GTPBP3: variants seen among roughly 807,000 people sequenced by gnomAD.
GTPBP3 encodes the protein GTP binding protein 3, mitochondrial.
A neutral mutation model predicts 42.0 loss-of-function variants in GTPBP3; 35 were observed. The observed-to-expected ratio is 0.83, with a 90% CI of 0.64 to 1.10. The LOEUF (loss-of-function observed/expected upper bound fraction) is 1.10, where lower values mean the gene tolerates loss of function less well. Among genes scored for constraint, GTPBP3 ranks in the 50% least tolerant of loss-of-function variants. The pLI, the probability that GTPBP3 is intolerant of heterozygous loss-of-function variation, is 0.00. For synonymous variants in GTPBP3, 332 were observed against 314.9 expected (o/e 1.05, Z -0.58); for missense variants, 691 against 685.2 (o/e 1.01, Z -0.09).
chr19:17,340,994 CT>C, intron 7 of GTPBP3, 49 bp from the exon 8 acceptor site: 1 of 1,583,452 alleles, frequency 6.3e-7, no homozygotes, highest in Non-Finnish European at 8.6e-7. Context: ...CACCCAGTGC[CT>C]TCAATTGCTC....
Position 17,339,275 on chromosome 19 carries a change from G to T in GTPBP3, c.808+9G>T, listed in dbSNP as rs556247962. The T allele has an allele frequency of 1.3e-6, 2 of 1,595,088 alleles. No individual in the cohort carries two copies. Among genetic ancestry groups the T allele is most frequent in the East Asian group, 4.5e-5 (2 of 44,484 alleles). On this transcript the variant is annotated intron_variant, in intron 6 of 8. Transcript: ENST00000324894. ...CCTAGTGAACCTGCTCAGTGAGTAG[G>T]CGGCGGGAAGGGGGCGGGGCCTAGT...
rs773463932 is a variant in GTPBP3 at position 17,338,738 on chromosome 19, C to G, written c.588C>G (p.Thr196=). 2.0e-5 allele frequency: 32 copies of G among 1,604,840 alleles called. No homozygotes were observed. The highest frequency in any genetic ancestry group is 3.4e-5 in the Admixed American group (2 of 59,458). Reference sequence around the variant, plus strand: ...GCCGTGGCTGGGCCGAGACCCTCACCAAAGCAAGTCCCCCATTTGTCCATT... The same window carrying G: ...GCCGTGGCTGGGCCGAGACCCTCACGAAAGCAAGTCCCCCATTTGTCCATT... ...HLCRGWAETL[T]KALAHVEAYI... The change falls in exon 4 of 9, where the codon ACC becomes ACG. Residue 196 remains threonine (T), a synonymous_variant. Coordinates refer to ENST00000324894, the MANE Select transcript of GTPBP3 (RefSeq NM_032620.4).
At position 17,339,537 on chromosome 19, in the gene GTPBP3, G is replaced by C; in HGVS notation, c.912G>C (p.Thr304=). Reference sequence around the variant, plus strand: ...GATTTCCTGTGCTGCTGAGCGACACGGCTGGGTTGCGGGAGGGCGTGGGGC... The same window carrying C: ...GATTTCCTGTGCTGCTGAGCGACACCGCTGGGTTGCGGGAGGGCGTGGGGC... The part of the protein sequence containing the change: ...LAGFPVLLSD[T]AGLREGVGPV... Residue 304 remains threonine (T), a synonymous_variant, in exon 7 of 9, where the codon ACG becomes ACC. Coordinates refer to ENST00000324894, the MANE Select transcript of GTPBP3 (RefSeq NM_032620.4). 1 of 1,613,558 alleles carries C rather than the reference G, an allele frequency of 6.2e-7. No individual in the cohort carries two copies. The highest frequency in any genetic ancestry group is 1.1e-5 in the South Asian group (1 of 91,070).
chr19:17,337,937 G>C, intron 1 of GTPBP3, 71 bp from the exon 2 acceptor site: 1 of 1,543,592 alleles, frequency 6.5e-7, no homozygotes, highest in Non-Finnish European at 8.7e-7. Context: ...CGCGATCATC[G>C]AGCCCTCGGT....
At chr19:17,337,437 C>T, upstream of GTPBP3, 1 of 1,213,570 alleles carries the variant, frequency 8.2e-7, no homozygotes, top group African/African-American at 1.6e-5. Flanking sequence ...TCCCTTGCAC[C>T]AGCCAATGGA....
chr19:17,335,410 TA>T (rs1322671135), upstream of GTPBP3, among the ~76,000 whole-genome samples: 1 of 152,080 alleles, frequency 6.6e-6, no homozygotes, highest in Non-Finnish European at 1.5e-5. Context: ...GATAAAAGAA[TA>T]AATGTTAGCT....
intron 7 of GTPBP3, 100 bp downstream of exon 7, chr19:17,339,699 TG>T: frequency 8.7e-7 from 1 of 1,146,226 alleles, no homozygotes; most frequent in South Asian, 1.6e-5. Flanking sequence ...TCAGAGAACC[TG>T]CTAAGCCCTA....
chr19:17,339,634 G>A (rs1450447124), intron 7 of GTPBP3, 35 bp downstream of exon 7: 20 of 1,553,728 alleles, frequency 1.3e-5, no homozygotes, highest in Non-Finnish European at 1.6e-5. Context: ...AGGGGAACGC[G>A]GGGCCCTTTC....
rs776403820 is a variant in GTPBP3 at position 17,338,092 on chromosome 19, C to T, written c.138C>T (p.Cys46=). 26 of 1,596,990 alleles carry T rather than the reference C, an allele frequency of 1.6e-5. No individual in the cohort carries two copies. The highest frequency in any genetic ancestry group is 3.4e-6 in the Non-Finnish European group (4 of 1,179,104). Residue 46 remains cysteine (C), a synonymous_variant, in exon 2 of 9, where the codon TGC becomes TGT. Transcript: ENST00000324894. ...IFALSSGQGR[C]GIAVIRTSGP... Reference sequence around the variant, plus strand: ...CGCTAAGCTCTGGCCAAGGCCGCTGCGGCATCGCAGTGATCCGGACCAGCG... The same window carrying T: ...CGCTAAGCTCTGGCCAAGGCCGCTGTGGCATCGCAGTGATCCGGACCAGCG...
chr19:17,337,753 C>A (rs1238022829), intron 1 of GTPBP3, 89 bp downstream of exon 1: 1 of 1,373,104 alleles, frequency 7.3e-7, no homozygotes, highest in Non-Finnish European at 9.6e-7. Flanking sequence ...CAATTCCCTG[C>A]GGCAGAGCAA....
rs1396800555 is a variant in GTPBP3, at chr19:17,342,251, G to C, written c.*548G>C. 2 of 151,106 alleles carry C rather than the reference G, an allele frequency of 1.3e-5. No individual in the cohort carries two copies. The highest frequency in any genetic ancestry group is 2.9e-5 in the Non-Finnish European group (2 of 67,834). The allele number at this position is 151,106 out of a possible 1,614,324, so 9.4% of individuals were successfully genotyped here. A position where few individuals can be genotyped will look rare whatever the true frequency, so the allele number is the denominator to read the frequency against. ...CCTGAGTAGCTGGGATTACAGGCAT[G>C]TGCCAGCATGCCCGGCTAATTTTTT... On this transcript the variant is annotated 3_prime_UTR_variant, in exon 9 of 9. Transcript: ENST00000324894.
At chr19:17,337,394 C>T, upstream of GTPBP3, 1 of 961,792 alleles carries the variant, frequency 1.0e-6, no homozygotes, top group Non-Finnish European at 1.3e-6. Context: ...CATTTCGCTA[C>T]ACCTACCTCC....
chr19:17,337,653 T>A lies in GTPBP3; in HGVS notation c.42T>A (p.Arg14=). Residue 14 remains arginine (R), a synonymous_variant, in exon 1 of 9, where the codon CGT becomes CGA. Transcript: ENST00000324894. ...GGACCCTGGCGGCCCAAGCGGCACG[T>A]GGGCCTCGCAGGTGGGGCTACAGGG... The part of the protein sequence containing the change: ...GLWTLAAQAA[R]GPRRLCTRRS... 1 of 1,335,158 alleles carries A rather than the reference T, an allele frequency of 7.5e-7. No individual in the cohort carries two copies. Among genetic ancestry groups the A allele is most frequent in the Non-Finnish European group, 9.6e-7 (1 of 1,038,120 alleles). 82.7% of individuals were successfully genotyped at this position (1,335,158 alleles called of 1,614,324 possible). A position where few individuals can be genotyped will look rare whatever the true frequency, so the allele number is the denominator to read the frequency against.
Position 17,341,916 on chromosome 19 carries a change from C to T in GTPBP3, c.*213C>T, listed in dbSNP as rs1452522136. Reference sequence around the variant, plus strand: ...GGGGCTGAATGGAGGTCCCGTTCGACCCTTGATGCTGGGGCATCCGGGTTG... The same window carrying T: ...GGGGCTGAATGGAGGTCCCGTTCGATCCTTGATGCTGGGGCATCCGGGTTG... On this transcript the variant is annotated 3_prime_UTR_variant, in exon 9 of 9. Coordinates refer to ENST00000324894, the MANE Select transcript of GTPBP3 (RefSeq NM_032620.4). 19 of 449,250 alleles carry T rather than the reference C, an allele frequency of 4.2e-5. No individual in the cohort carries two copies. Among genetic ancestry groups the T allele is most frequent in the Non-Finnish European group, 1.9e-5 (5 of 256,952 alleles). The allele number at this position is 449,250 out of a possible 1,614,324, so 27.8% of individuals were successfully genotyped here.
At position 17,341,775 on chromosome 19, in the gene GTPBP3, G is replaced by C; in HGVS notation, c.*72G>C. Reference sequence around the variant, plus strand: ...CTCGGGGGATCTGGAAACAGTTTAGGCCAATTGGGATTCTCATTCGCCTGG... The same window carrying C: ...CTCGGGGGATCTGGAAACAGTTTAGCCCAATTGGGATTCTCATTCGCCTGG... On this transcript the variant is annotated 3_prime_UTR_variant, in exon 9 of 9. Coordinates refer to ENST00000324894, the MANE Select transcript of GTPBP3 (RefSeq NM_032620.4). 1 of 1,313,458 alleles carries C rather than the reference G, an allele frequency of 7.6e-7. No homozygotes were observed. Among genetic ancestry groups the C allele is most frequent in the South Asian group, 1.4e-5 (1 of 69,440 alleles). The allele number at this position is 1,313,458 out of a possible 1,614,324, so 81.4% of individuals were successfully genotyped here.
At chr19:17,340,444 C>G (rs1460393991) in intron 7 of GTPBP3, among the ~76,000 whole-genome samples, 1 of 151,930 alleles carries the variant, frequency 6.6e-6, no homozygotes, top group Non-Finnish European at 1.5e-5. Flanking sequence ...CGTGCTCTGT[C>G]CCGCCCTGGC....
intron 1 of GTPBP3, 46 bp from the exon 2 acceptor site, chr19:17,337,962 G>A: frequency 1.3e-6 from 2 of 1,588,134 alleles, no homozygotes; most frequent in South Asian, 2.2e-5. Flanking sequence ...TTGACACTGA[G>A]GCTGAGCCTC....
In GTPBP3 at chr19:17,341,074, G is replaced by T. The variant is rs138116759; in HGVS notation, c.1005G>T (p.Met335Ile). ...AGCAGGCTGACCTCATTCTGGCCAT[G>T]CTGGATGCTTCTGACCTGGCCTCTC... ...RLEQADLILA[M>I]LDASDLASPS... Residue 335 changes from methionine to isoleucine, a missense_variant, in exon 8 of 9, where the codon ATG becomes ATT. Transcript: ENST00000324894. 645 of 1,613,758 alleles carry T rather than the reference G, an allele frequency of 4.0e-4. 3 individuals are homozygous for T. The highest frequency in any genetic ancestry group is 2.3e-3 in the Middle Eastern group (14 of 6,060).
At position 17,338,336 on chromosome 19, in the gene GTPBP3, GTCC is replaced by G. The variant is rs776998933; in HGVS notation, c.302-24_302-22del. On this transcript the variant is annotated intron_variant, in intron 2 of 8. Transcript: ENST00000324894. ...TCCAAGGGTTTGCACTGGCTGTGCTGTCCTCCTGTCACCTGTCTGTCACATTAG... is the reference window on the plus strand; with the variant it reads ...TCCAAGGGTTTGCACTGGCTGTGCTGTCCTGTCACCTGTCTGTCACATTAG... 2.5e-5 allele frequency: 41 copies of G among 1,612,932 alleles called. No individual in the cohort carries two copies. In the Admixed American group the frequency reaches 6.7e-4, roughly 26 times the overall value.
Sources: gnomAD v4.1 joint callset for allele counts (sites outside exome capture counted in the v4.1 genomes callset) on GRCh38, gnomAD v4.1.1 for gene constraint, MANE v1.5 for transcripts, NCBI Gene and HGNC (gene_info 2026-07-23, HGNC 2026-07-21) for gene names.